The following LRIG2 variants were observed in gnomAD, a reference collection of about 807,000 sequenced individuals.
The protein encoded by LRIG2 is leucine-rich repeats and immunoglobulin-like domains protein 2.
In LRIG2, 93 loss-of-function variants were observed where a neutral mutation model predicts 107.8. The ratio of observed to expected loss-of-function variants is 0.86; its 90% CI spans 0.73 to 1.03. The LOEUF (loss-of-function observed/expected upper bound fraction) is 1.03. Among genes scored for constraint, LRIG2 ranks in the 50% least tolerant of loss-of-function variants. The probability of loss-of-function intolerance (pLI) is 0.00; values close to 1 mark genes in which losing one functional copy is unlikely to be tolerated. For missense variants in LRIG2, 1,226 were observed against 1,296.0 expected, an observed-to-expected ratio of 0.95 and a Z score of 0.83; for synonymous variants, 471 against 470.6, an observed-to-expected ratio of 1.00 and a Z score of -0.01.
intron 6 of LRIG2, 21 bp downstream of exon 6, chr1:113,094,776 G>A (rs1653977770): frequency 6.2e-7 from 1 of 1,605,366 alleles, no homozygotes; most frequent in East Asian, 2.2e-5. Flanking sequence ...GGGACTAGAG[G>A]TGATTATTAG....
chr1:113,113,796 C>T (rs1005523877), intron 14 of LRIG2, among the ~76,000 whole-genome samples: 18 of 151,902 alleles, frequency 1.2e-4, no homozygotes, highest in African/African-American at 4.4e-4. Flanking sequence ...CTCCTGACCT[C>T]ATGATCCGCC....
rs1316168423 is a variant in LRIG2 at position 113,110,569 on chromosome 1, A to G, written c.1798+7A>G. The stretch of plus-strand genomic sequence containing the variant: ...GCCAAACTGACTGTAAATGGTAAGG[A>G]ATTATGCTCCTTGATTTTTTTTAGT... On this transcript the variant is annotated splice_region_variant and intron_variant, in intron 13 of 17. Transcript: ENST00000361127. The G allele has an allele frequency of 1.9e-6, 3 of 1,569,708 alleles. No individual in the cohort carries two copies. The Admixed American group carries it at 5.5e-5, about 29-fold the overall frequency.
At position 113,093,412 on chromosome 1, in the gene LRIG2, A is replaced by T; in HGVS notation, c.381-18A>T. On this transcript the variant is annotated intron_variant, in intron 3 of 17. Transcript: ENST00000361127. ...GTGGATCAGTGGCAGCAGCTTCATT[A>T]TAATCTTTGTTTTACAGAGTCCATA... 1.2e-6 allele frequency: 2 copies of T among 1,612,946 alleles called. No homozygotes were observed. Among genetic ancestry groups the T allele is most frequent in the Non-Finnish European group, 1.7e-6 (2 of 1,179,486 alleles).
At chr1:113,105,006 C>T (rs1288985055) in intron 11 of LRIG2, among the ~76,000 whole-genome samples, 1 of 151,906 alleles carries the variant, frequency 6.6e-6, no homozygotes, top group Non-Finnish European at 1.5e-5. Context: ...ATTAACCAGG[C>T]GTGGTGGCAT....
chr1:113,124,068 T>C lies in LRIG2; in HGVS notation c.3165T>C (p.Thr1055=). 2 of 1,614,188 alleles carry C rather than the reference T, an allele frequency of 1.2e-6. No individual in the cohort carries two copies. The highest frequency in any genetic ancestry group is 2.2e-5 in the South Asian group (2 of 91,076). Residue 1055 remains threonine, a synonymous_variant, in exon 18 of 18, where the codon ACT becomes ACC. Transcript: ENST00000361127. The part of the protein sequence containing the change: ...LQDHAFDFSR[T]RNIQDGSEGT ...ATCATGCTTTTGATTTTAGTAGGAC[T>C]CGGAACATTCAAGATGGTAGTGAGG...
chr1:113,124,000 C>T lies in LRIG2; in HGVS notation c.3097C>T (p.Pro1033Ser). ...AAATGAGGGCCTGGCAGGGAGAGAG[C>T]CAGACTGTTCTGCTTCTTCCATGTC... ...HQNEGLAGRE[P>S]DCSASSMSCH... The change falls in exon 18 of 18, where the codon CCA becomes TCA. Residue 1033 changes from proline to serine, a missense_variant. By Grantham distance (74) the Pro-to-Ser change is moderately conservative. Transcript: ENST00000361127. The T allele has an allele frequency of 6.2e-7, 1 of 1,614,072 alleles. No individual in the cohort carries two copies. Among genetic ancestry groups the T allele is most frequent in the Non-Finnish European group, 8.5e-7 (1 of 1,179,980 alleles).
chr1:113,100,756 G>A (rs189490850), intron 11 of LRIG2: 23 of 280,282 alleles, frequency 8.2e-5, no homozygotes, highest in African/African-American at 4.8e-4. Context: ...TGCTCCTTAT[G>A]CTTTATGTAT....
chr1:113,108,327 G>A (rs1654624854), intron 12 of LRIG2, among the ~76,000 whole-genome samples: 1 of 150,646 alleles, frequency 6.6e-6, no homozygotes, highest in East Asian at 2.0e-4. Context: ...GGGTTCAAGC[G>A]ATTCTCCTGT....
intron 13 of LRIG2, among the ~76,000 whole-genome samples, chr1:113,111,083 G>A (rs1309762430): frequency 6.6e-6 from 1 of 152,066 alleles, no homozygotes; most frequent in African/African-American, 2.4e-5. Context: ...CGCCCAGGAT[G>A]GAATGCAGTG....
intron 3 of LRIG2, 56 bp downstream of exon 3, chr1:113,093,336 T>A: frequency 6.4e-7 from 1 of 1,554,310 alleles, no homozygotes; most frequent in East Asian, 2.3e-5. Flanking sequence ...ATACATTTTT[T>A]TTTTAAAGCA....
rs181747169 is a variant in LRIG2 at position 113,123,296 on chromosome 1, C to T, written c.2972-579C>T. Among the ~76,000 whole-genome samples the T allele has an allele frequency of 3.5e-3, 526 of 152,174 alleles. 2 individuals are homozygous for T. The highest frequency in any genetic ancestry group is 0.012 in the African/African-American group (504 of 41,536). ...GAGTTTTATTTAAAAATTTTGTGGC[C>T]GGGCACGGTGGCTCACGCCTGTAAT... is the stretch of plus-strand genomic sequence containing the variant. On this transcript the variant is annotated intron_variant, in intron 17 of 17. Transcript: ENST00000361127.
At chr1:113,112,380 G>T in intron 13 of LRIG2, 99 bp from the exon 14 acceptor site, 1 of 978,718 alleles carries the variant, frequency 1.0e-6, no homozygotes, top group South Asian at 1.7e-5. Context: ...GGAACATTAG[G>T]GGGTGTCTTG....
At chr1:113,115,411 A>T (rs1654962777) in intron 15 of LRIG2, among the ~76,000 whole-genome samples, 3 of 151,964 alleles carry the variant, frequency 2.0e-5, no homozygotes, top group Non-Finnish European at 2.9e-5. Context: ...GGGTTTTGCC[A>T]TGTTGCCCAA....
chr1:113,086,977 T>G (rs1324919206), intron 1 of LRIG2, among the ~76,000 whole-genome samples: 2 of 152,212 alleles, frequency 1.3e-5, no homozygotes, highest in Non-Finnish European at 1.5e-5. Context: ...AGACCCCATT[T>G]CTACAAAACA....
At chr1:113,101,515 G>A (rs1293219116) in intron 11 of LRIG2, among the ~76,000 whole-genome samples, 1 of 152,254 alleles carries the variant, frequency 6.6e-6, no homozygotes, top group African/African-American at 2.4e-5. Context: ...GGATAGAAAT[G>A]CAGAATAAGC....
rs1441162437 is a variant in LRIG2 at position 113,128,646 on chromosome 1, G to C, written c.*4545G>C. The C allele has an allele frequency of 6.6e-6, 1 of 152,120 alleles. No individual in the cohort carries two copies. Among genetic ancestry groups the C allele is most frequent in the East Asian group, 1.9e-4 (1 of 5,194 alleles). The allele number at this position is 152,120 out of a possible 1,614,324, so 9.4% of individuals were successfully genotyped here. On this transcript the variant is annotated 3_prime_UTR_variant, in exon 18 of 18. Coordinates refer to ENST00000361127, the MANE Select transcript of LRIG2 (RefSeq NM_014813.3). ...AGCCAGATGTATTTCCTTTATAGCA[G>C]GAGTAATGGTCTAAGAAATACTCAT...
rs776786364 is a variant in LRIG2, at chr1:113,073,600, G to T, written c.194G>T (p.Ser65Ile). ...DCSRRKLPAP[S>I]WRALSGLLPP... ...AGTCGCAGGAAATTGCCCGCACCGA[G>T]CTGGAGGGCGCTGTCGGGCTTGCTG... The change falls in exon 1 of 18, where the codon AGC becomes ATC. Residue 65 changes from serine to isoleucine, a missense_variant. By Grantham distance (142) the Ser-to-Ile change is moderately radical. This residue lies in a region of LRIG2 where 570 missense variants were observed against 550.2 expected (regional missense o/e 1.04). Transcript: ENST00000361127. The T allele has an allele frequency of 6.2e-7, 1 of 1,613,714 alleles. No homozygotes were observed. Among genetic ancestry groups the T allele is most frequent in the South Asian group, 1.1e-5 (1 of 91,078 alleles).
At chr1:113,107,068 A>G (rs1570757186) in intron 11 of LRIG2, among the ~76,000 whole-genome samples, 1 of 152,230 alleles carries the variant, frequency 6.6e-6, no homozygotes, top group East Asian at 1.9e-4. Flanking sequence ...CTCTCTCCAC[A>G]TACACACAAA....
chr1:113,113,538 T>A (rs926071705), intron 14 of LRIG2, among the ~76,000 whole-genome samples: 13 of 143,164 alleles, frequency 9.1e-5, no homozygotes, highest in African/African-American at 3.5e-4. Flanking sequence ...ATTTATTTAT[T>A]TATTTATTTA....
Sources: allele counts gnomAD v4.1 joint callset (sites outside exome capture counted in the v4.1 genomes callset), GRCh38; gene constraint gnomAD v4.1.1; regional missense constraint gnomAD v4.1.1; transcripts MANE v1.5; gene names NCBI Gene and HGNC (gene_info 2026-07-23, HGNC 2026-07-21).